NEBL: variants seen among roughly 807,000 people sequenced by gnomAD.
NEBL encodes the protein nebulette, also known as LIM and SH3 protein 2.
NEBL carries 122 observed loss-of-function variants against 140.2 expected under a neutral mutation model. The observed-to-expected ratio is 0.87, with a 90% CI of 0.75 to 1.01. The LOEUF (loss-of-function observed/expected upper bound fraction) is 1.01, where lower values mean the gene tolerates loss of function less well. NEBL is among the 50% of genes least tolerant of loss of function. NEBL has a pLI of 0.00. For synonymous variants in NEBL, 436 were observed against 398.9 expected (o/e 1.09, Z -1.11); for missense variants, 1,365 against 1,231.3 (o/e 1.11, Z -1.62).
intron 18 of NEBL, 86 bp from the exon 19 acceptor site, chr10:20,823,386 T>G: frequency 1.0e-6 from 1 of 968,302 alleles, no homozygotes; most frequent in South Asian, 1.5e-5. Flanking sequence ...AACTATTGCA[T>G]AATTGAATTT....
At chr10:20,805,788 G>A (rs990953131) in intron 26 of NEBL, among the ~76,000 whole-genome samples, 1 of 152,018 alleles carries the variant, frequency 6.6e-6, no homozygotes, top group African/African-American at 2.4e-5. Flanking sequence ...GGGAGGCAGA[G>A]GTTGCAGTGA....
chr10:20,858,441 T>A lies in NEBL; in HGVS notation c.799-97A>T, dbSNP rs1409273. ...TCATACATCATAAAGTAGGACTATT[T>A]AGTGGTAAATGGACAGACGAATTTA... On this transcript the variant is annotated intron_variant, in intron 8 of 27. Transcript: ENST00000377122. 0.63 allele frequency: 652,185 copies of A among 1,039,608 alleles called. 206,660 individuals carry two copies. Among genetic ancestry groups the A allele is most frequent in the Non-Finnish European group, 0.65 (449,517 of 686,886 alleles). The allele number at this position is 1,039,608 out of a possible 1,614,324, so 64.4% of individuals were successfully genotyped here.
chr10:20,786,630 G>T (rs1374824283), intron 27 of NEBL, among the ~76,000 whole-genome samples: 1 of 152,172 alleles, frequency 6.6e-6, no homozygotes, highest in African/African-American at 2.4e-5. Context: ...CAAGTTACCG[G>T]ACAGTGTAGA....
chr10:21,189,489 G>C (rs527460047), intron 3 of NEBL, among the ~76,000 whole-genome samples: 1 of 152,134 alleles, frequency 6.6e-6, no homozygotes, highest in South Asian at 2.1e-4. Flanking sequence ...TTTTGAGATG[G>C]AGTCTCACTC....
At chr10:20,891,541 C>A (rs1446112916) in intron 2 of NEBL, among the ~76,000 whole-genome samples, 3 of 152,180 alleles carry the variant, frequency 2.0e-5, no homozygotes, top group African/African-American at 7.2e-5. Flanking sequence ...TTCTTCACTG[C>A]AGTGGTATGT....
At chr10:21,125,227 TACAC>T (rs59284447) in intron 2 of NEBL, among the ~76,000 whole-genome samples, 25 of 148,204 alleles carry the variant, frequency 1.7e-4, no homozygotes, top group Middle Eastern at 3.4e-3. Flanking sequence ...CACATGCATA[TACAC>T]ACACACACAC....
intron 2 of NEBL, among the ~76,000 whole-genome samples, chr10:21,154,016 C>T (rs755329731): frequency 6.6e-6 from 1 of 152,046 alleles, no homozygotes; most frequent in African/African-American, 2.4e-5. Context: ...ATCTATTCCA[C>T]CTGATTCAGT....
intron 2 of NEBL, among the ~76,000 whole-genome samples, chr10:21,078,870 G>A (rs1479099689): frequency 2.6e-5 from 4 of 152,162 alleles, no homozygotes; most frequent in Non-Finnish European, 5.9e-5. Flanking sequence ...CCACTTGGTG[G>A]CACTGTTGAT....
chr10:21,246,950 G>A (rs116413401), intron 3 of NEBL, among the ~76,000 whole-genome samples: 1,713 of 152,296 alleles, frequency 0.011, 32 homozygotes, highest in African/African-American at 0.038. Flanking sequence ...ATGGTAGGAG[G>A]TGATTGGATC....
intron 10 of NEBL, among the ~76,000 whole-genome samples, chr10:20,852,248 A>T (rs1240218114): frequency 6.6e-6 from 1 of 152,226 alleles, no homozygotes; most frequent in African/African-American, 2.4e-5. Flanking sequence ...AATTTAAATC[A>T]TCATGTGGTT....
At chr10:20,972,608 A>G (rs183557338) in intron 3 of NEBL, among the ~76,000 whole-genome samples, 434 of 152,046 alleles carry the variant, frequency 2.9e-3, no homozygotes, top group African/African-American at 1.0e-2. Flanking sequence ...TTAGCTGGGC[A>G]TGGCAGTGCG....
chr10:21,092,586 T>TTAATAATAA (rs4025883), intron 2 of NEBL, among the ~76,000 whole-genome samples: 35 of 142,110 alleles, frequency 2.5e-4, no homozygotes, highest in African/African-American at 4.1e-4. Flanking sequence ...CCTCTATAAT[T>TTAATAATAA]TAATAATAAT....
chr10:20,940,348 C>T (rs961735300), intron 4 of NEBL, among the ~76,000 whole-genome samples: 1 of 148,734 alleles, frequency 6.7e-6, no homozygotes, highest in Non-Finnish European at 1.5e-5. Flanking sequence ...GGGTACATAA[C>T]GAAATGAAGG....
chr10:20,846,196 T>C (rs1192055228), intron 11 of NEBL, among the ~76,000 whole-genome samples: 1 of 152,094 alleles, frequency 6.6e-6, no homozygotes. Flanking sequence ...CCTCTCTAAA[T>C]AACAAAAATA....
upstream of NEBL, among the ~76,000 whole-genome samples, chr10:21,178,410 T>A (rs1182322488): frequency 6.6e-6 from 1 of 152,152 alleles, no homozygotes; most frequent in East Asian, 1.9e-4. Context: ...TGCTCTAAAA[T>A]AAAACTCTAC....
intron 2 of NEBL, among the ~76,000 whole-genome samples, chr10:21,129,261 T>A (rs1037962700): frequency 6.6e-6 from 1 of 151,758 alleles, no homozygotes; most frequent in Non-Finnish European, 1.5e-5. Context: ...ATTAAAAAAT[T>A]TTTTAACTTT....
chr10:21,074,756 G>T (rs1470337821), intron 2 of NEBL, among the ~76,000 whole-genome samples: 1 of 151,464 alleles, frequency 6.6e-6, no homozygotes, highest in Non-Finnish European at 1.5e-5. Context: ...GGGATTATAG[G>T]CGTGAGCCAC....
intron 2 of NEBL, among the ~76,000 whole-genome samples, chr10:21,138,000 GGA>G (rs147169890): frequency 2.0e-5 from 3 of 151,858 alleles, no homozygotes; most frequent in African/African-American, 7.2e-5. Flanking sequence ...GGAAGTGGAT[GGA>G]GAGGAGCCCA....
intron 3 of NEBL, among the ~76,000 whole-genome samples, chr10:21,222,527 T>G (rs2132246306): frequency 6.6e-6 from 1 of 152,372 alleles, no homozygotes; most frequent in East Asian, 1.9e-4. Flanking sequence ...ACTAATACCT[T>G]ATTGCTGCCA....
Sources: allele counts gnomAD v4.1 joint callset (sites outside exome capture counted in the v4.1 genomes callset), GRCh38; gene constraint gnomAD v4.1.1; transcripts MANE v1.5; gene names NCBI Gene and HGNC (gene_info 2026-07-23, HGNC 2026-07-21).